The following ROBO1 variants were observed in gnomAD, a reference collection of about 807,000 sequenced individuals.
ROBO1 encodes roundabout guidance receptor 1.
Under a neutral mutation model 195.9 loss-of-function variants are expected in ROBO1, and 149 were observed. The observed-to-expected ratio is 0.76, with a 90% confidence interval of 0.67 to 0.87. ROBO1 has a LOEUF of 0.87. Ranked by LOEUF, ROBO1 falls within the 40% of genes least tolerant of loss-of-function variation. ROBO1 has a pLI of 0.00. For synonymous variants in ROBO1, 816 were observed against 733.2 expected (o/e 1.11, Z -1.82); for missense variants, 1,933 against 2,068.3 (o/e 0.93, Z 1.27).
chr3:79,523,197 A>G (rs915942616), intron 2 of ROBO1, among the ~76,000 whole-genome samples: 3 of 151,126 alleles, frequency 2.0e-5, no homozygotes, highest in African/African-American at 7.3e-5. Context: ...ACACACACAA[A>G]TTAGTACATA....
In ROBO1 at chr3:78,669,600, T is replaced by C. The variant is rs1707942918; in HGVS notation, c.1548+496A>G. Among the ~76,000 whole-genome samples, 4 of 152,360 alleles carry C rather than the reference T, an allele frequency of 2.6e-5. No homozygotes were observed. The South Asian group carries it at 8.3e-4, about 32-fold the overall frequency. On this transcript the variant is annotated intron_variant, in intron 11 of 30. Coordinates refer to ENST00000464233, the MANE Select transcript of ROBO1 (RefSeq NM_002941.4). ...TTCCTACAGACCTGTGGGCTTTCCA[T>C]CATTGAGCATTCTGATTTGAATTGT...
At chr3:79,318,150 T>C (rs2033822364) in intron 2 of ROBO1, among the ~76,000 whole-genome samples, 1 of 152,134 alleles carries the variant, frequency 6.6e-6, no homozygotes, top group South Asian at 2.1e-4. Context: ...TAAGGGAAAT[T>C]TACTTTACTC....
intron 2 of ROBO1, among the ~76,000 whole-genome samples, chr3:79,289,853 C>T (rs1436913142): frequency 6.6e-6 from 1 of 152,044 alleles, no homozygotes; most frequent in African/African-American, 2.4e-5. Context: ...CAGGTTATTA[C>T]AGCCTATGTC....
At chr3:79,095,880 A>G (rs2079557703) in intron 3 of ROBO1, among the ~76,000 whole-genome samples, 1 of 151,890 alleles carries the variant, frequency 6.6e-6, no homozygotes, top group Non-Finnish European at 1.5e-5. Flanking sequence ...GATGTGCCTC[A>G]TTTTTTTAAA....
chr3:79,259,936 T>C (rs887389521), intron 2 of ROBO1, among the ~76,000 whole-genome samples: 17 of 152,224 alleles, frequency 1.1e-4, no homozygotes, highest in African/African-American at 4.1e-4. Context: ...AGTAGGTATT[T>C]TGTTTCAGGC....
chr3:78,950,433 T>A (rs574867603), intron 3 of ROBO1, among the ~76,000 whole-genome samples: 79 of 143,936 alleles, frequency 5.5e-4, no homozygotes, highest in Admixed American at 2.6e-3. Flanking sequence ...ACACCGCATG[T>A]TCTCACTCAT....
intron 2 of ROBO1, among the ~76,000 whole-genome samples, chr3:79,450,140 A>G (rs1258087985): frequency 6.6e-6 from 1 of 151,216 alleles, no homozygotes; most frequent in Admixed American, 6.6e-5. Context: ...AAAAAAAAAG[A>G]CTGGGGTAAG....
chr3:79,599,870 G>C lies in ROBO1; in HGVS notation c.-50-9909C>G, dbSNP rs182120765. 5.6e-3 allele frequency among the ~76,000 whole-genome samples: 858 copies of C among 151,936 alleles called. 6 individuals are homozygous for C. The highest frequency in any genetic ancestry group is 0.018 in the African/African-American group (744 of 41,502). On this transcript the variant is annotated intron_variant, in intron 1 of 30. Coordinates refer to ENST00000464233, the MANE Select transcript of ROBO1 (RefSeq NM_002941.4). ...ATTTTAAAAAATGATCTAATGAAAA[G>C]TAATAAAATATAGTCTATCCAAATT... is the stretch of plus-strand genomic sequence containing the variant.
intron 3 of ROBO1, among the ~76,000 whole-genome samples, chr3:79,017,641 T>C (rs1243700376): frequency 6.6e-6 from 1 of 152,134 alleles, no homozygotes; most frequent in Non-Finnish European, 1.5e-5. Context: ...ATACAGTGTG[T>C]ACTCTTATGT....
intron 4 of ROBO1, among the ~76,000 whole-genome samples, chr3:78,890,547 C>T (rs1191403388): frequency 6.6e-6 from 1 of 152,270 alleles, no homozygotes; most frequent in African/African-American, 2.4e-5. Flanking sequence ...GGAGCCCAAA[C>T]TGATCAGCAC....
intron 2 of ROBO1, among the ~76,000 whole-genome samples, chr3:79,500,067 C>CA (rs1939974480): frequency 6.7e-6 from 1 of 150,226 alleles, no homozygotes; most frequent in African/African-American, 2.4e-5. Context: ...CTCAGCCTCT[C>CA]AAAGTGCTGA....
chr3:79,172,524 T>C (rs2081185683), intron 2 of ROBO1, among the ~76,000 whole-genome samples: 1 of 152,194 alleles, frequency 6.6e-6, no homozygotes, highest in Admixed American at 6.5e-5. Flanking sequence ...CCTTCAAAGA[T>C]GGATTATCAC....
At chr3:78,701,725 C>T (rs1280744680) in intron 8 of ROBO1, among the ~76,000 whole-genome samples, 3 of 152,070 alleles carry the variant, frequency 2.0e-5, no homozygotes, top group Non-Finnish European at 2.9e-5. Context: ...CTTTGTAAAA[C>T]GGCCTATCTA....
chr3:79,692,863 A>G (rs912707386), intron 1 of ROBO1, among the ~76,000 whole-genome samples: 1 of 151,944 alleles, frequency 6.6e-6, no homozygotes, highest in South Asian at 2.1e-4. Flanking sequence ...TTGCATATAC[A>G]TAATGAGTTA....
chr3:79,030,704 C>G (rs528794352), intron 3 of ROBO1, among the ~76,000 whole-genome samples: 7 of 152,040 alleles, frequency 4.6e-5, no homozygotes, highest in Admixed American at 6.6e-5. Context: ...TATAAAGAGG[C>G]AATCTTTTTC....
intron 1 of ROBO1, among the ~76,000 whole-genome samples, chr3:79,635,104 C>G (rs377235119): frequency 1.3e-5 from 2 of 152,250 alleles, no homozygotes; most frequent in South Asian, 2.1e-4. Flanking sequence ...TTTTTAGAGG[C>G]TGATGCATGG....
intron 4 of ROBO1, among the ~76,000 whole-genome samples, chr3:78,839,414 T>C (rs941534391): frequency 2.0e-5 from 3 of 149,104 alleles, no homozygotes; most frequent in African/African-American, 7.3e-5. Flanking sequence ...TATTCTTTTT[T>C]TCATTACTAT....
At chr3:78,809,691 G>A (rs1241084644) in intron 4 of ROBO1, among the ~76,000 whole-genome samples, 1 of 152,170 alleles carries the variant, frequency 6.6e-6, no homozygotes, top group Non-Finnish European at 1.5e-5. Context: ...TCCTTTGCAA[G>A]GACATGGATG....
chr3:79,280,949 G>A lies in ROBO1; in HGVS notation c.89-155410C>T, dbSNP rs534892912. On this transcript the variant is annotated intron_variant, in intron 2 of 30. Coordinates refer to ENST00000464233, the MANE Select transcript of ROBO1 (RefSeq NM_002941.4). ...GCGACCTGGTTCCTAACAGTTTAGG[G>A]GCCAGTACGGGTCCATGACCCAGAG... Among the ~76,000 whole-genome samples, 271 of 152,248 alleles carry A rather than the reference G, an allele frequency of 1.8e-3. 1 individual carries two copies. Among genetic ancestry groups the A allele is most frequent in the African/African-American group, 5.9e-3 (247 of 41,530 alleles).
Sources: gnomAD v4.1 joint callset for allele counts (sites outside exome capture counted in the v4.1 genomes callset) on GRCh38, gnomAD v4.1.1 for gene constraint, MANE v1.5 for transcripts, NCBI Gene and HGNC (gene_info 2026-07-23, HGNC 2026-07-21) for gene names.